The following RREB1 variants were observed in gnomAD, a reference collection of about 807,000 sequenced individuals.
The protein encoded by RREB1 is ras-responsive element-binding protein 1.
RREB1 carries 27 observed loss-of-function variants against 117.8 expected under a neutral mutation model. That is an observed-to-expected ratio of 0.23 (90% confidence interval 0.17 to 0.32). The LOEUF (loss-of-function observed/expected upper bound fraction) is 0.32. Ranked by LOEUF, RREB1 falls within the 10% of genes least tolerant of loss-of-function variation. The pLI is 1.00. For missense variants in RREB1, 2,577 were observed against 2,378.2 expected (o/e 1.08, Z -1.74); for synonymous variants, 1,298 against 1,026.7 (o/e 1.26, Z -5.05).
chr6:7,227,477 G>A (rs530863407), intron 9 of RREB1, among the ~76,000 whole-genome samples: 1 of 152,062 alleles, frequency 6.6e-6, no homozygotes, highest in African/African-American at 2.4e-5. Flanking sequence ...GGAGGCTGAG[G>A]TTGCAGTGAG....
chr6:7,211,030 G>A (rs1372888243), intron 7 of RREB1, 82 bp downstream of exon 7: 1 of 1,393,720 alleles, frequency 7.2e-7, no homozygotes, highest in African/African-American at 1.4e-5. Flanking sequence ...TCTCAGTGTG[G>A]AGACTTGGCA....
chr6:7,154,857 T>C (rs1763288276), intron 1 of RREB1, among the ~76,000 whole-genome samples: 1 of 152,176 alleles, frequency 6.6e-6, no homozygotes, highest in Non-Finnish European at 1.5e-5. Flanking sequence ...TCGCAGGAAG[T>C]GTGGTGTGCT....
chr6:7,194,304 C>T (rs922596677), intron 6 of RREB1, among the ~76,000 whole-genome samples: 1 of 152,232 alleles, frequency 6.6e-6, no homozygotes, highest in African/African-American at 2.4e-5. Flanking sequence ...AATCTCAGCA[C>T]TTTGGGAGGT....
intron 9 of RREB1, among the ~76,000 whole-genome samples, chr6:7,227,489 C>G (rs954061743): frequency 1.3e-5 from 2 of 151,666 alleles, no homozygotes; most frequent in African/African-American, 4.9e-5. Context: ...TGCAGTGAGT[C>G]GAGATCGCGC....
At chr6:7,238,558 G>A (rs1279056673) in intron 10 of RREB1, among the ~76,000 whole-genome samples, 1 of 152,060 alleles carries the variant, frequency 6.6e-6, no homozygotes, top group African/African-American at 2.4e-5. Context: ...TTTGGAAGAC[G>A]CACCATGAAC....
In RREB1 at chr6:7,113,051, A is replaced by G. The variant is rs1761221714; in HGVS notation, c.-285+4991A>G. Among the ~76,000 whole-genome samples, 2 of 152,222 alleles carry G rather than the reference A, an allele frequency of 1.3e-5. 1 individual carries two copies. Among genetic ancestry groups the G allele is most frequent in the South Asian group, 4.1e-4 (2 of 4,824 alleles). ...TGACTGTGAGTAGGTGCTTCAGACG[A>G]AAGCATGGGAGAGGGTGGAGATTGT... On this transcript the variant is annotated intron_variant, in intron 1 of 12. Coordinates refer to ENST00000379938, the MANE Select transcript of RREB1 (RefSeq NM_001003699.4).
At chr6:7,181,639 GGTA>G (rs1207542303) in intron 3 of RREB1, 3 of 596,546 alleles carry the variant, frequency 5.0e-6, no homozygotes, top group Non-Finnish European at 8.8e-6. Context: ...GAGTCCTGTT[GGTA>G]GTGCACACTC....
intron 1 of RREB1, among the ~76,000 whole-genome samples, chr6:7,166,818 A>C (rs1159550865): frequency 6.6e-6 from 1 of 152,190 alleles, no homozygotes; most frequent in African/African-American, 2.4e-5. Context: ...CCTGGGGCAA[A>C]GTGGAGAATC....
intron 5 of RREB1, chr6:7,187,833 T>G: frequency 6.1e-6 from 1 of 163,916 alleles, no homozygotes; most frequent in Non-Finnish European, 1.3e-5. Context: ...TATATGCATA[T>G]TCCTGTGACA....
At chr6:7,225,816 G>GA in intron 8 of RREB1, among the ~76,000 whole-genome samples, 1 of 152,274 alleles carries the variant, frequency 6.6e-6, no homozygotes, top group South Asian at 2.1e-4. Flanking sequence ...TCTGGAAGAT[G>GA]AGGGTCATGA....
At chr6:7,210,754 G>A in intron 6 of RREB1, 50 bp from the exon 7 acceptor site, 1 of 1,530,166 alleles carries the variant, frequency 6.5e-7, no homozygotes, top group Non-Finnish European at 8.8e-7. Flanking sequence ...AAACATAAAT[G>A]AACTGACTTC....
chr6:7,214,153 A>T (rs1407156435), intron 8 of RREB1: 2 of 152,346 alleles, frequency 1.3e-5, no homozygotes, highest in African/African-American at 4.8e-5. Context: ...TGGGATGGGT[A>T]GGATTTGGTG....
chr6:7,111,710 G>A (rs767115131), intron 1 of RREB1, among the ~76,000 whole-genome samples: 3 of 152,182 alleles, frequency 2.0e-5, no homozygotes, highest in Non-Finnish European at 4.4e-5. Context: ...TTTTGTAAGT[G>A]TCTTTAATTG....
intron 6 of RREB1, among the ~76,000 whole-genome samples, chr6:7,191,368 A>G (rs1314611757): frequency 2.6e-5 from 4 of 152,196 alleles, no homozygotes; most frequent in Admixed American, 6.5e-5. Context: ...TCCCTTGATC[A>G]GCTGATGGAC....
chr6:7,216,100 T>C (rs1444721079), intron 8 of RREB1: 1 of 152,246 alleles, frequency 6.6e-6, no homozygotes, highest in East Asian at 1.9e-4. Context: ...TCAGTTAAAA[T>C]GTACCCAGCA....
intron 1 of RREB1, among the ~76,000 whole-genome samples, chr6:7,158,390 C>G (rs12111025): frequency 0.024 from 3,612 of 152,224 alleles, 133 homozygotes; most frequent in African/African-American, 0.081. Context: ...TCTTACATCA[C>G]TTTTCTCAGC....
chr6:7,232,113 C>A (rs781452708), intron 10 of RREB1, among the ~76,000 whole-genome samples: 6 of 152,294 alleles, frequency 3.9e-5, no homozygotes, highest in East Asian at 1.9e-4. Context: ...GTGCAGGGGC[C>A]GAGCCCTCCA....
At chr6:7,245,714 C>T (rs1051094736) in intron 11 of RREB1, among the ~76,000 whole-genome samples, 4 of 152,194 alleles carry the variant, frequency 2.6e-5, no homozygotes, top group African/African-American at 2.4e-5. Flanking sequence ...CACAGGCACC[C>T]ACAGCCCTTC....
At chr6:7,123,115 G>T (rs1212959859) in intron 1 of RREB1, among the ~76,000 whole-genome samples, 4 of 152,040 alleles carry the variant, frequency 2.6e-5, no homozygotes, top group Admixed American at 2.6e-4. Context: ...CTGTTTTCTG[G>T]ATATGTTAGA....
Sources: allele counts gnomAD v4.1 joint callset (sites outside exome capture counted in the v4.1 genomes callset), GRCh38; gene constraint gnomAD v4.1.1; transcripts MANE v1.5; gene names NCBI Gene and HGNC (gene_info 2026-07-23, HGNC 2026-07-21).